The following APOBEC3C variants were observed in gnomAD, a reference collection of about 807,000 sequenced individuals.
The protein encoded by APOBEC3C is DNA dC->dU-editing enzyme APOBEC-3C.
APOBEC3C carries 14 observed loss-of-function variants against 20.6 expected under a neutral mutation model. The ratio of observed to expected loss-of-function variants is 0.68; its 90% CI spans 0.45 to 1.06. The LOEUF (loss-of-function observed/expected upper bound fraction) is 1.06, where lower values mean the gene tolerates loss of function less well. Ranked by LOEUF, APOBEC3C falls within the 50% of genes least tolerant of loss-of-function variation. The probability of loss-of-function intolerance (pLI) is 0.00; values close to 1 mark genes in which losing one functional copy is unlikely to be tolerated. For missense variants in APOBEC3C, 244 were observed against 241.9 expected (o/e 1.01, Z -0.06); for synonymous variants, 98 against 88.8 (o/e 1.10, Z -0.58).
Position 39,017,696 on chromosome 22 carries a change from A to T in APOBEC3C, c.175-70A>T, listed in dbSNP as rs186617465. On this transcript the variant is annotated intron_variant, in intron 2 of 3. Transcript: ENST00000361441. ...GGCTCCAGGCCCGCCCTCTGCTCCCATCGCCCCACCCCTGCACTCCTCCTG... is the reference window on the plus strand; with the variant it reads ...GGCTCCAGGCCCGCCCTCTGCTCCCTTCGCCCCACCCCTGCACTCCTCCTG... 1.1e-4 allele frequency: 166 copies of T among 1,556,878 alleles called. No individual in the cohort carries two copies. The African/African-American group carries it at 1.9e-3, about 18-fold the overall frequency.
intron 3 of APOBEC3C, 28 bp from the exon 4 acceptor site, chr22:39,018,241 T>C: frequency 1.2e-6 from 2 of 1,608,152 alleles, no homozygotes; most frequent in Non-Finnish European, 1.7e-6. Context: ...TGCTGGGCCC[T>C]CACTGTTTTC....
rs983980104 is a variant in APOBEC3C, at chr22:39,018,764, G to C, written c.*377G>C. The stretch of plus-strand genomic sequence containing the variant: ...TGGGAGGCAAAGGTGGGAGAATCGC[G>C]TGAGCCCAGGAGTTCCAGACCAGGC... On this transcript the variant is annotated 3_prime_UTR_variant, in exon 4 of 4. Transcript: ENST00000361441. The C allele has an allele frequency of 3.3e-5, 5 of 151,888 alleles. No homozygotes were observed. The highest frequency in any genetic ancestry group is 3.9e-4 in the South Asian group (2 of 5,190). 9.4% of individuals were successfully genotyped at this position (151,888 alleles called of 1,614,324 possible). A position where few individuals can be genotyped will look rare whatever the true frequency, so the allele number is the denominator to read the frequency against.
In APOBEC3C at chr22:39,018,207, G is replaced by A. The variant is rs998988011; in HGVS notation, c.455-62G>A. 2.5e-5 allele frequency: 40 copies of A among 1,577,348 alleles called. No individual in the cohort carries two copies. In the African/African-American group the frequency reaches 4.8e-4, roughly 19 times the overall value. On this transcript the variant is annotated intron_variant, in intron 3 of 3. Coordinates refer to ENST00000361441, the MANE Select transcript of APOBEC3C (RefSeq NM_014508.3). ...CCTGGATACCTGGGCTGGGAGGGGA[G>A]GGCCCAGGGCCAGGAGAGAGGCCTG...
intron 1 of APOBEC3C, among the ~76,000 whole-genome samples, chr22:39,014,602 T>A (rs1451957519): frequency 6.6e-6 from 1 of 151,838 alleles, no homozygotes; most frequent in Non-Finnish European, 1.5e-5. Flanking sequence ...CCCAGCCCAG[T>A]CCGCCTGCTG....
At chr22:39,017,384 T>G (rs1924822548) in intron 2 of APOBEC3C, among the ~76,000 whole-genome samples, 1 of 152,112 alleles carries the variant, frequency 6.6e-6, no homozygotes. Context: ...ATGCTCATAG[T>G]CCCAGAGCTT....
At chr22:39,015,323 AC>A (rs1466265902) in intron 1 of APOBEC3C, among the ~76,000 whole-genome samples, 1 of 150,932 alleles carries the variant, frequency 6.6e-6, no homozygotes, top group African/African-American at 2.4e-5. Flanking sequence ...TAGCAGAAAA[AC>A]TGGGAGGTTG....
chr22:39,015,618 C>T lies in APOBEC3C; in HGVS notation c.41C>T (p.Pro14Leu), dbSNP rs1343561379. Residue 14 changes from proline to leucine, a missense_variant, in exon 2 of 4, where the codon CCA (proline) becomes CTA (leucine). Coordinates refer to ENST00000361441, the MANE Select transcript of APOBEC3C (RefSeq NM_014508.3). ...AGAAACCCGATGAAGGCAATGTATC[C>T]AGGCACATTCTACTTCCAATTTAAA... ...QIRNPMKAMY[P>L]GTFYFQFKNL... The T allele has an allele frequency of 6.2e-7, 1 of 1,613,970 alleles. No homozygotes were observed. Among genetic ancestry groups the T allele is most frequent in the Non-Finnish European group, 8.5e-7 (1 of 1,180,006 alleles).
chr22:39,016,699 C>T lies in APOBEC3C; in HGVS notation c.174+948C>T, dbSNP rs570938645. Among the ~76,000 whole-genome samples the T allele has an allele frequency of 4.6e-5, 7 of 152,318 alleles. No homozygotes were observed. In the South Asian group the frequency reaches 1.0e-3, roughly 23 times the overall value. On this transcript the variant is annotated intron_variant, in intron 2 of 3. Transcript: ENST00000361441. Reference sequence around the variant, plus strand: ...TCCGGCAGTCCTCGGGAATCAGCAGCTGTGGGAAGCGGGGGGTGTTGTGTC... The same window carrying T: ...TCCGGCAGTCCTCGGGAATCAGCAGTTGTGGGAAGCGGGGGGTGTTGTGTC...
rs1398651005 is a variant in APOBEC3C at position 39,020,173 on chromosome 22, G to A, written c.*1786G>A. 1 of 152,178 alleles carries A rather than the reference G, an allele frequency of 6.6e-6. No individual in the cohort carries two copies. The highest frequency in any genetic ancestry group is 1.5e-5 in the Non-Finnish European group (1 of 68,072). 9.4% of individuals were successfully genotyped at this position (152,178 alleles called of 1,614,324 possible). A position where few individuals can be genotyped will look rare whatever the true frequency, so the allele number is the denominator to read the frequency against. ...TACATGAATATTCATAGCTCCTCCT[G>A]TAGCCTGTTGAATATGTATGTTTAG... On this transcript the variant is annotated 3_prime_UTR_variant, in exon 4 of 4. Transcript: ENST00000361441.
chr22:39,017,742 GTCC>G (rs747329938), intron 2 of APOBEC3C, 21 bp from the exon 3 acceptor site: 259 of 1,594,608 alleles, frequency 1.6e-4, no homozygotes, highest in South Asian at 3.4e-4. Flanking sequence ...GAGCTCCCCT[GTCC>G]TCCTCCTCCT....
At chr22:39,017,373 T>A (rs1242762367) in intron 2 of APOBEC3C, among the ~76,000 whole-genome samples, 1 of 152,008 alleles carries the variant, frequency 6.6e-6, no homozygotes, top group Non-Finnish European at 1.5e-5. Context: ...GCATGTGGTT[T>A]ATGCTCATAG....
At chr22:39,017,729 T>C (rs1447519605) in intron 2 of APOBEC3C, 37 bp from the exon 3 acceptor site, 1 of 1,597,320 alleles carries the variant, frequency 6.3e-7, no homozygotes, top group Non-Finnish European at 8.6e-7. Flanking sequence ...CTGCTCCTGG[T>C]CTGAGCTCCC....
chr22:39,017,668 CG>C, intron 2 of APOBEC3C, 97 bp from the exon 3 acceptor site: 1 of 1,447,336 alleles, frequency 6.9e-7, no homozygotes, highest in Non-Finnish European at 9.4e-7. Flanking sequence ...GGAAACGGCC[CG>C]GGGCTCCAGG....
chr22:39,020,077 T>G lies in APOBEC3C; in HGVS notation c.*1690T>G, dbSNP rs184718303. The stretch of plus-strand genomic sequence containing the variant: ...TCTCCAAGTGCTGGGATTACAGGCA[T>G]CAGCCACTATGCCCGGCTGGGATCA... On this transcript the variant is annotated 3_prime_UTR_variant, in exon 4 of 4. Coordinates refer to ENST00000361441, the MANE Select transcript of APOBEC3C (RefSeq NM_014508.3). 59 of 152,312 alleles carry G rather than the reference T, an allele frequency of 3.9e-4. No homozygotes were observed. The highest frequency in any genetic ancestry group is 1.4e-3 in the African/African-American group (57 of 41,564). 9.4% of individuals were successfully genotyped at this position (152,312 alleles called of 1,614,324 possible). A position where few individuals can be genotyped will look rare whatever the true frequency, so the allele number is the denominator to read the frequency against.
Position 39,017,980 on chromosome 22 carries a change from G to A in APOBEC3C, c.389G>A (p.Cys130Tyr). Residue 130 changes from cysteine (C) to tyrosine (Y), a missense_variant, in exon 3 of 4, where the codon TGT (cysteine) becomes TAT (tyrosine). Transcript: ENST00000361441. ...TARLYYFQYP[C>Y]YQEGLRSLSQ... is the part of the protein sequence containing the mutation. ...CGCCTCTACTACTTCCAGTATCCAT[G>A]TTACCAGGAGGGGCTCCGCAGCCTG... The A allele has an allele frequency of 6.2e-7, 1 of 1,614,176 alleles. No homozygotes were observed. Among genetic ancestry groups the A allele is most frequent in the Non-Finnish European group, 8.5e-7 (1 of 1,180,036 alleles).
Position 39,015,683 on chromosome 22 carries a change from T to C in APOBEC3C, c.106T>C (p.Cys36Arg), listed in dbSNP as rs1265559765. 11 of 1,614,068 alleles carry C rather than the reference T, an allele frequency of 6.8e-6. No individual in the cohort carries two copies. Among genetic ancestry groups the C allele is most frequent in the Non-Finnish European group, 9.3e-6 (11 of 1,180,044 alleles). Reference sequence around the variant, plus strand: ...CAACGATCGGAACGAAACTTGGCTGTGCTTCACCGTGGAAGGTATAAAGCG... The same window carrying C: ...CAACGATCGGAACGAAACTTGGCTGCGCTTCACCGTGGAAGGTATAAAGCG... ...EANDRNETWL[C>R]FTVEGIKRRS... The change falls in exon 2 of 4, where the codon TGC becomes CGC. Residue 36 changes from cysteine (C) to arginine (R), a missense_variant. By Grantham distance (180) the Cys-to-Arg change is radical. Coordinates refer to ENST00000361441, the MANE Select transcript of APOBEC3C (RefSeq NM_014508.3).
Position 39,018,055 on chromosome 22 carries a change from G to T in APOBEC3C, c.454+10G>T, listed in dbSNP as rs747240259. The stretch of plus-strand genomic sequence containing the variant: ...ATCATGGACTATGAAGGTGAGACGT[G>T]GGGGGCTGAGGAGAGTGGGTGCAGG... On this transcript the variant is annotated intron_variant, in intron 3 of 3. Coordinates refer to ENST00000361441, the MANE Select transcript of APOBEC3C (RefSeq NM_014508.3). 1.9e-6 allele frequency: 3 copies of T among 1,613,108 alleles called. No individual in the cohort carries two copies. Among genetic ancestry groups the T allele is most frequent in the African/African-American group, 1.3e-5 (1 of 75,018 alleles).
chr22:39,016,125 G>C (rs1258879257), intron 2 of APOBEC3C, among the ~76,000 whole-genome samples: 1 of 151,884 alleles, frequency 6.6e-6, no homozygotes, highest in East Asian at 1.9e-4. Context: ...TGATCCACCA[G>C]CCTTGGCCTC....
At position 39,019,323 on chromosome 22, in the gene APOBEC3C, C is replaced by A. The variant is rs1924928350; in HGVS notation, c.*936C>A. ...ACTCAGCAATAGAACCTCCCAGCTC[C>A]CAGCCCTTCCTAGTGCCCATGGGCT... is the stretch of plus-strand genomic sequence containing the variant. On this transcript the variant is annotated 3_prime_UTR_variant, in exon 4 of 4. Transcript: ENST00000361441. 6.6e-6 allele frequency: 1 copy of A among 152,330 alleles called. No individual in the cohort carries two copies. Among genetic ancestry groups the A allele is most frequent in the South Asian group, 2.1e-4 (1 of 4,826 alleles). The allele number at this position is 152,330 out of a possible 1,614,324, so 9.4% of individuals were successfully genotyped here. A position where few individuals can be genotyped will look rare whatever the true frequency, so the allele number is the denominator to read the frequency against.
Sources: gnomAD v4.1 joint callset for allele counts (sites outside exome capture counted in the v4.1 genomes callset) on GRCh38, gnomAD v4.1.1 for gene constraint, MANE v1.5 for transcripts, NCBI Gene and HGNC (gene_info 2026-07-23, HGNC 2026-07-21) for gene names.